The following ERVFRD-1 variants were observed in gnomAD, a reference collection of about 807,000 sequenced individuals.
ERVFRD-1 encodes the protein endogenous retrovirus group FRD member 1, envelope.
A neutral mutation model predicts 43.8 loss-of-function variants in ERVFRD-1; 33 were observed. That is an observed-to-expected ratio of 0.75 (90% CI 0.57 to 1.01). ERVFRD-1 has a LOEUF of 1.01. Ranked by LOEUF, ERVFRD-1 falls within the 50% of genes least tolerant of loss-of-function variation. ERVFRD-1 has a pLI of 0.00. For missense variants in ERVFRD-1, 568 were observed against 658.4 expected, an observed-to-expected ratio of 0.86 and a Z score of 1.50; for synonymous variants, 239 against 244.4, an observed-to-expected ratio of 0.98 and a Z score of 0.21.
intron 1 of ERVFRD-1, among the ~76,000 whole-genome samples, chr6:11,110,938 A>G (rs1251987923): frequency 6.6e-6 from 1 of 152,234 alleles, no homozygotes; most frequent in South Asian, 2.1e-4. Flanking sequence ...CAAACCATTC[A>G]AAAGCCAGGG....
Position 11,105,395 on chromosome 6 carries a change from A to G in ERVFRD-1, c.-85T>C. The G allele has an allele frequency of 1.0e-6, 1 of 995,246 alleles. No individual in the cohort carries two copies. The highest frequency in any genetic ancestry group is 1.7e-5 in the South Asian group (1 of 59,872). 61.7% of individuals were successfully genotyped at this position (995,246 alleles called of 1,614,324 possible). On this transcript the variant is annotated 5_prime_UTR_variant, in exon 2 of 2. Coordinates refer to ENST00000472091, the MANE Select transcript of ERVFRD-1 (RefSeq NM_207582.3). ...AAGTTAGGGTTAAAATAGTGATAAC[A>G]ATCAGAGCAATTGCCAGTAAAATTT...
rs149257390 is a variant in ERVFRD-1 at position 11,103,759 on chromosome 6, T to C, written c.1552A>G (p.Ile518Val). ...TQFVSSRLQA[I>V]KLQTNLSAGR... ...GCACTGAGATTCGTCTGGAGCTTTA[T>C]GGCCTGAAGGCGAGAGGAGACAAAT... Residue 518 changes from isoleucine (I) to valine (V), a missense_variant, in exon 2 of 2, where the codon ATA becomes GTA. By Grantham distance (29) the Ile-to-Val change is conservative. Transcript: ENST00000472091. 3.9e-6 allele frequency: 6 copies of C among 1,551,680 alleles called. No homozygotes were observed. Among genetic ancestry groups the C allele is most frequent in the South Asian group, 1.2e-5 (1 of 84,062 alleles).
chr6:11,109,510 G>A (rs1758138496), intron 1 of ERVFRD-1, among the ~76,000 whole-genome samples: 1 of 152,162 alleles, frequency 6.6e-6, no homozygotes, highest in Non-Finnish European at 1.5e-5. Flanking sequence ...TGAACCAATG[G>A]GAAGGGGCTG....
intron 1 of ERVFRD-1, among the ~76,000 whole-genome samples, chr6:11,106,429 T>G (rs949838275): frequency 1.3e-5 from 2 of 152,246 alleles, no homozygotes; most frequent in African/African-American, 4.8e-5. Flanking sequence ...TTGACAAACC[T>G]GTTGAATAGT....
In ERVFRD-1 at chr6:11,102,829, G is replaced by T. The variant is rs58680949; in HGVS notation, c.*865C>A. On this transcript the variant is annotated 3_prime_UTR_variant, in exon 2 of 2. Coordinates refer to ENST00000472091, the MANE Select transcript of ERVFRD-1 (RefSeq NM_207582.3). ...CCGGAGGAGAGGAGGGAATTTGGCC[G>T]GGGAGGCGTAAGGTAGCATGATAGT... The T allele has an allele frequency of 1.3e-5, 2 of 152,092 alleles. No homozygotes were observed. The highest frequency in any genetic ancestry group is 4.8e-5 in the African/African-American group (2 of 41,384). The allele number at this position is 152,092 out of a possible 1,614,324, so 9.4% of individuals were successfully genotyped here.
rs543348563 is a variant in ERVFRD-1, at chr6:11,104,788, G to A, written c.523C>T (p.Pro175Ser). ...CCCTGAGGAAAAGTAATATTTGGAGGTTTGGGGAATCTTGGTTGATGGCGG... is the reference window on the plus strand; with the variant it reads ...CCCTGAGGAAAAGTAATATTTGGAGATTTGGGGAATCTTGGTTGATGGCGG... ...QFRHQPRFPKPPNITFPQGTL... is the reference protein window; with the variant it reads ...QFRHQPRFPKSPNITFPQGTL... The change falls in exon 2 of 2, where the codon CCT (proline) becomes TCT (serine). Residue 175 changes from proline (P) to serine (S), a missense_variant. Coordinates refer to ENST00000472091, the MANE Select transcript of ERVFRD-1 (RefSeq NM_207582.3). 113 of 1,614,226 alleles carry A rather than the reference G, an allele frequency of 7.0e-5. 3 individuals are homozygous for A. The South Asian group carries it at 1.2e-3, about 17-fold the overall frequency.
rs1317968041 is a variant in ERVFRD-1, at chr6:11,105,026, T to C, written c.285A>G (p.Thr95=). The C allele has an allele frequency of 6.2e-7, 1 of 1,614,244 alleles. No homozygotes were observed. The highest frequency in any genetic ancestry group is 8.5e-7 in the Non-Finnish European group (1 of 1,180,042). ...LMRPANSLLS[T]VKQDFPDIRQ... ...GGATATCAGGGAAATCTTGCTTTACTGTTGAAAGAAGACTATTTGCAGGCC... is the reference window on the plus strand; with the variant it reads ...GGATATCAGGGAAATCTTGCTTTACCGTTGAAAGAAGACTATTTGCAGGCC... The change falls in exon 2 of 2, where the codon ACA becomes ACG. Residue 95 remains threonine, a synonymous_variant. Transcript: ENST00000472091.
intron 1 of ERVFRD-1, among the ~76,000 whole-genome samples, chr6:11,108,780 TC>T (rs373824569): frequency 6.6e-5 from 10 of 152,326 alleles, no homozygotes; most frequent in African/African-American, 2.2e-4. Flanking sequence ...TTCTGGTGTT[TC>T]CTCCTAATAT....
Position 11,105,254 on chromosome 6 carries a change from A to G in ERVFRD-1, c.57T>C (p.His19=). 4.3e-6 allele frequency: 7 copies of G among 1,614,136 alleles called. No homozygotes were observed. The highest frequency in any genetic ancestry group is 5.9e-6 in the Non-Finnish European group (7 of 1,180,014). ...CTTTTTCCAATAACGGGAAATCAGG[A>G]TGGCGGTAGGCTGCTAGTGAAGGCG... is the stretch of plus-strand genomic sequence containing the variant. ...ILTPSLAAYR[H]PDFPLLEKAQ... The change falls in exon 2 of 2, where the codon CAT becomes CAC. Residue 19 remains histidine (H), a synonymous_variant. Transcript: ENST00000472091.
intron 1 of ERVFRD-1, among the ~76,000 whole-genome samples, chr6:11,107,408 T>C (rs896163034): frequency 5.9e-5 from 9 of 152,198 alleles, no homozygotes; most frequent in Non-Finnish European, 1.3e-4. Flanking sequence ...GGGGAGCAGA[T>C]TAACAGGTCA....
At chr6:11,109,556 A>G (rs1041753625) in intron 1 of ERVFRD-1, among the ~76,000 whole-genome samples, 8 of 152,334 alleles carry the variant, frequency 5.3e-5, no homozygotes, top group Non-Finnish European at 7.4e-5. Flanking sequence ...TACAAGCCCA[A>G]CAAAGGTCAG....
Position 11,103,478 on chromosome 6 carries a change from A to G in ERVFRD-1, c.*216T>C, listed in dbSNP as rs978785117. The G allele has an allele frequency of 6.0e-5, 39 of 650,078 alleles. No individual in the cohort carries two copies. The highest frequency in any genetic ancestry group is 8.7e-5 in the Non-Finnish European group (36 of 415,334). The allele number at this position is 650,078 out of a possible 1,614,324, so 40.3% of individuals were successfully genotyped here. On this transcript the variant is annotated 3_prime_UTR_variant, in exon 2 of 2. Transcript: ENST00000472091. Reference sequence around the variant, plus strand: ...CCCCCCCTCAAGAGTCCAAGACCCAATTATCTGGGAAAATGGACGAAGGTC... The same window carrying G: ...CCCCCCCTCAAGAGTCCAAGACCCAGTTATCTGGGAAAATGGACGAAGGTC...
At chr6:11,110,645 A>G (rs757256657) in intron 1 of ERVFRD-1, among the ~76,000 whole-genome samples, 1 of 152,298 alleles carries the variant, frequency 6.6e-6, no homozygotes, top group Admixed American at 6.5e-5. Context: ...ATGCTTAACG[A>G]GGTAGAACAA....
chr6:11,108,363 G>A (rs1413815121), intron 1 of ERVFRD-1, among the ~76,000 whole-genome samples: 2 of 152,208 alleles, frequency 1.3e-5, no homozygotes. Flanking sequence ...ATTTAATCCA[G>A]GAGCCAAGTG....
At chr6:11,105,896 A>G (rs1758076504) in intron 1 of ERVFRD-1, among the ~76,000 whole-genome samples, 1 of 152,218 alleles carries the variant, frequency 6.6e-6, no homozygotes. Flanking sequence ...GGCCTACCAT[A>G]TAAAGCCTTG....
At position 11,105,238 on chromosome 6, in the gene ERVFRD-1, A is replaced by G. The variant is rs1185138546; in HGVS notation, c.73T>C (p.Leu25=). ...TGGAGCAGTTGCTGAGCTTTTTCCA[A>G]TAACGGGAAATCAGGATGGCGGTAG... is the stretch of plus-strand genomic sequence containing the variant. ...AAYRHPDFPL[L]EKAQQLLQST... is the part of the protein sequence containing the mutation. The change falls in exon 2 of 2, where the codon TTG becomes CTG. Residue 25 remains leucine, a synonymous_variant. Transcript: ENST00000472091. The G allele has an allele frequency of 2.5e-6, 4 of 1,614,054 alleles. No individual in the cohort carries two copies. The highest frequency in any genetic ancestry group is 2.5e-6 in the Non-Finnish European group (3 of 1,180,038).
rs1338664500 is a variant in ERVFRD-1, at chr6:11,103,776, G to A, written c.1535C>T (p.Ser512Phe). The A allele has an allele frequency of 6.4e-7, 1 of 1,551,590 alleles. No individual in the cohort carries two copies. Among genetic ancestry groups the A allele is most frequent in the Non-Finnish European group, 8.7e-7 (1 of 1,147,002 alleles). Residue 512 changes from serine to phenylalanine, a missense_variant, in exon 2 of 2, where the codon TCC becomes TTC. Coordinates refer to ENST00000472091, the MANE Select transcript of ERVFRD-1 (RefSeq NM_207582.3). Reference protein sequence around the residue: ...CLLNLITQFVSSRLQAIKLQT... With the variant: ...CLLNLITQFVFSRLQAIKLQT... ...GAGCTTTATGGCCTGAAGGCGAGAG[G>A]AGACAAATTGGGTTATTAGATTTAG... is the stretch of plus-strand genomic sequence containing the variant.
At position 11,102,969 on chromosome 6, in the gene ERVFRD-1, C is replaced by T. The variant is rs1406507754; in HGVS notation, c.*725G>A. 1.3e-5 allele frequency: 2 copies of T among 152,158 alleles called. No homozygotes were observed. Among genetic ancestry groups the T allele is most frequent in the Non-Finnish European group, 2.9e-5 (2 of 68,036 alleles). 9.4% of individuals were successfully genotyped at this position (152,158 alleles called of 1,614,324 possible). On this transcript the variant is annotated 3_prime_UTR_variant, in exon 2 of 2. Coordinates refer to ENST00000472091, the MANE Select transcript of ERVFRD-1 (RefSeq NM_207582.3). ...GAGAGATCCAATTGCCTTGGTAGGC[C>T]CTTGACTTGGGGTTTTATACATTGG...
intron 1 of ERVFRD-1, among the ~76,000 whole-genome samples, chr6:11,107,198 A>G (rs1320549605): frequency 6.6e-6 from 1 of 152,204 alleles, no homozygotes; most frequent in African/African-American, 2.4e-5. Context: ...GTATCTCACA[A>G]CACAAATGTG....
Sources: gnomAD v4.1 joint callset for allele counts (sites outside exome capture counted in the v4.1 genomes callset) on GRCh38, gnomAD v4.1.1 for gene constraint, MANE v1.5 for transcripts, NCBI Gene and HGNC (gene_info 2026-07-23, HGNC 2026-07-21) for gene names.